NUP214: variants seen among roughly 807,000 people sequenced by gnomAD.
NUP214 encodes the protein nuclear pore complex protein Nup214.
Under a neutral mutation model 196.2 loss-of-function variants are expected in NUP214, and 79 were observed. That is an observed-to-expected ratio of 0.40 (90% CI 0.34 to 0.49). NUP214 has a LOEUF of 0.49. NUP214 is among the 20% of genes least tolerant of loss of function. NUP214 has a pLI of 0.58. For missense variants in NUP214, 2,468 were observed against 2,539.0 expected (o/e 0.97, Z 0.60); for synonymous variants, 1,020 against 990.5 (o/e 1.03, Z -0.56).
intron 12 of NUP214, among the ~76,000 whole-genome samples, 199 bp from the exon 13 acceptor site, chr9:131,145,930 G>A (rs549059055): frequency 6.6e-5 from 10 of 152,216 alleles, no homozygotes; most frequent in Non-Finnish European, 1.2e-4. Flanking sequence ...ATAAGCAGAC[G>A]AAAAGATAAA....
At chr9:131,222,728 G>A (rs752234242) in intron 31 of NUP214, 50 bp from the exon 32 acceptor site, 4 of 1,578,964 alleles carry the variant, frequency 2.5e-6, no homozygotes, top group African/African-American at 1.4e-5. Context: ...TGAGAAGCAG[G>A]TAAGGACATT....
At chr9:131,211,447 G>A (rs1231196467) in intron 30 of NUP214, among the ~76,000 whole-genome samples, 2 of 152,152 alleles carry the variant, frequency 1.3e-5, no homozygotes, top group Non-Finnish European at 2.9e-5. Context: ...TGGTAATTCA[G>A]TTGTTGAACA....
chr9:131,202,656 T>C (rs1398125427), intron 30 of NUP214, among the ~76,000 whole-genome samples: 6 of 151,952 alleles, frequency 3.9e-5, no homozygotes, highest in South Asian at 2.1e-4. Context: ...GCTGGTCTGG[T>C]CTCTTAACTC....
At chr9:131,140,143 A>G (rs530637522) in intron 10 of NUP214, among the ~76,000 whole-genome samples, 2 of 152,284 alleles carry the variant, frequency 1.3e-5, no homozygotes, top group East Asian at 1.9e-4. Flanking sequence ...TCTGTGTCCT[A>G]CTGTCCATTC....
intron 28 of NUP214, 91 bp downstream of exon 28, chr9:131,195,385 C>T: frequency 2.0e-6 from 2 of 1,020,568 alleles, no homozygotes; most frequent in South Asian, 2.6e-5. Context: ...TTGACTTGTT[C>T]CTGAATCTTA....
chr9:131,192,941 C>CAA (rs34653431), intron 27 of NUP214, among the ~76,000 whole-genome samples: 1,515 of 31,030 alleles, frequency 0.049, 221 homozygotes, highest in Middle Eastern at 0.12. Context: ...ACCCCGTCTC[C>CAA]AAAAAAAAAA....
Position 131,228,249 on chromosome 9 carries a change from C to T in NUP214, c.5992C>T (p.Pro1998Ser), listed in dbSNP as rs759938530. ...AGGGGTGCCAGCATTCGGTTCAGCC[C>T]CAGCCTTTACAAGCCCTCTGGGCTC... ...FGGVPAFGSA[P>S]AFTSPLGSTG... Residue 1998 changes from proline to serine, a missense_variant, in exon 33 of 36, where the codon CCA becomes TCA. Physicochemically the swap from Pro to Ser is moderately conservative, Grantham distance 74. This residue lies in a region of NUP214 where 262 missense variants were observed against 296.5 expected (regional missense o/e 0.88). Transcript: ENST00000359428. 6.2e-7 allele frequency: 1 copy of T among 1,605,708 alleles called. No individual in the cohort carries two copies. The highest frequency in any genetic ancestry group is 8.5e-7 in the Non-Finnish European group (1 of 1,177,314).
rs931947679 is a variant in NUP214, at chr9:131,232,213, C to T, written c.6215-71C>T. On this transcript the variant is annotated intron_variant, in intron 34 of 35. Transcript: ENST00000359428. This position sits in a 1 kb window ranked among gnomAD's most constrained non-coding sequence, Gnocchi z 5.1. ...CAAGAAGCACAGAGGAGGGCAGACA[C>T]TTAGCATGGGGACCACCTTTGTCTT... 9 of 1,556,694 alleles carry T rather than the reference C, an allele frequency of 5.8e-6. No individual in the cohort carries two copies. The African/African-American group carries it at 8.1e-5, about 14-fold the overall frequency.
chr9:131,174,343 C>CT (rs751513607), intron 22 of NUP214, 25 bp downstream of exon 22: 1 of 1,597,788 alleles, frequency 6.3e-7, no homozygotes, highest in Non-Finnish European at 8.5e-7. Context: ...GGAAAGGAAA[C>CT]TGTTTTTCCC....
rs1004931126 is a variant in NUP214 at position 131,135,486 on chromosome 9, CT to C, written c.939-452del. On this transcript the variant is annotated intron_variant, in intron 8 of 35. Coordinates refer to ENST00000359428, the MANE Select transcript of NUP214 (RefSeq NM_005085.4). ...GTTTCCCCAATCTTGAATTATTTAT[CT>C]TAAATACATACTAATTTCAAAAATC... 5.3e-5 allele frequency among the ~76,000 whole-genome samples: 8 copies of C among 152,118 alleles called. 1 individual carries two copies. Among genetic ancestry groups the C allele is most frequent in the South Asian group, 4.1e-4 (2 of 4,828 alleles).
rs551490545 is a variant in NUP214 at position 131,150,731 on chromosome 9, A to G, written c.2243A>G (p.His748Arg). 6.2e-7 allele frequency: 1 copy of G among 1,613,824 alleles called. No homozygotes were observed. The highest frequency in any genetic ancestry group is 1.7e-5 in the Admixed American group (1 of 59,910). The change falls in exon 16 of 36, where the codon CAT becomes CGT. Residue 748 changes from histidine to arginine, a missense_variant. This residue lies in a region of NUP214 where 1,801 missense variants were observed against 1,779.4 expected (regional missense o/e 1.01). Transcript: ENST00000359428. ...CTGCGAACAGAATCAGATGACTTGC[A>G]TACCTTTCTTTTGGAGATTAAAGAG... ...KMLRTESDDL[H>R]TFLLEIKETT... is the part of the protein sequence containing the mutation.
chr9:131,200,665 T>C (rs1833914900), intron 29 of NUP214, among the ~76,000 whole-genome samples: 2 of 151,990 alleles, frequency 1.3e-5, no homozygotes, highest in Non-Finnish European at 2.9e-5. Context: ...GCCAAGATCG[T>C]GCCACTGCAC....
chr9:131,208,560 G>A (rs1834147544), intron 30 of NUP214, among the ~76,000 whole-genome samples: 1 of 152,144 alleles, frequency 6.6e-6, no homozygotes. Flanking sequence ...ATCCAGGCGT[G>A]GTGGCGGGTG....
intron 28 of NUP214, 146 bp downstream of exon 28, chr9:131,195,440 A>G (rs1833747044): frequency 1.8e-6 from 1 of 549,006 alleles, no homozygotes; most frequent in Non-Finnish European, 3.3e-6. Context: ...TGTGCATTAG[A>G]AATATGCTTA....
At chr9:131,199,060 T>A (rs772429978) in intron 29 of NUP214, 45 bp downstream of exon 29, 2 of 1,533,526 alleles carry the variant, frequency 1.3e-6, no homozygotes, top group Admixed American at 4.3e-5. Context: ...TCTCTGCTAT[T>A]TGAAACATTA....
chr9:131,203,019 C>G (rs1433274814), intron 30 of NUP214, among the ~76,000 whole-genome samples: 6 of 151,732 alleles, frequency 4.0e-5, no homozygotes, highest in Non-Finnish European at 8.8e-5. Flanking sequence ...TATCTCGGCT[C>G]ACTGCAAGCT....
chr9:131,166,740 G>A lies in NUP214; in HGVS notation c.2893+2596G>A, dbSNP rs1400860837. Reference sequence around the variant, plus strand: ...CTAAGGCACGATTATATGGGCTTATGTGAGAGTTTTGCCTTTGCCTTTTTT... The same window carrying A: ...CTAAGGCACGATTATATGGGCTTATATGAGAGTTTTGCCTTTGCCTTTTTT... On this transcript the variant is annotated intron_variant, in intron 21 of 35. Transcript: ENST00000359428. Among the ~76,000 whole-genome samples the A allele has an allele frequency of 2.0e-5, 3 of 151,986 alleles. No individual in the cohort carries two copies. The East Asian group carries it at 5.8e-4, about 29-fold the overall frequency.
At chr9:131,162,676 T>C (rs1465110004) in intron 18 of NUP214, among the ~76,000 whole-genome samples, 1 of 152,196 alleles carries the variant, frequency 6.6e-6, no homozygotes, top group Non-Finnish European at 1.5e-5. Flanking sequence ...ACTGGCTTTT[T>C]CCTGGTTCCT....
chr9:131,148,519 C>T (rs1157574264), intron 14 of NUP214, among the ~76,000 whole-genome samples: 1 of 152,156 alleles, frequency 6.6e-6, no homozygotes, highest in Non-Finnish European at 1.5e-5. Flanking sequence ...ATGTATTCCT[C>T]ATTAGTAGAT....
Sources: gnomAD v4.1 joint callset for allele counts (sites outside exome capture counted in the v4.1 genomes callset) on GRCh38, gnomAD v4.1.1 for gene constraint, gnomAD v4.1.1 regional missense constraint, Gnocchi (gnomAD v3.1) non-coding constraint, MANE v1.5 for transcripts, NCBI Gene and HGNC (gene_info 2026-07-23, HGNC 2026-07-21) for gene names.